USP9X: variants seen among roughly 807,000 people sequenced by gnomAD.
USP9X encodes ubiquitin specific peptidase 9 X-linked.
In USP9X, 7 loss-of-function variants were observed where a neutral mutation model predicts 190.3. The ratio of observed to expected loss-of-function variants is 0.04; its 90% CI spans 0.02 to 0.07. The LOEUF (loss-of-function observed/expected upper bound fraction) is 0.07, where lower values mean the gene tolerates loss of function less well. Among genes scored for constraint, USP9X ranks in the 10% least tolerant of loss-of-function variants. The pLI is 1.00. For missense variants in USP9X, 1,010 were observed against 1,916.9 expected (o/e 0.53, Z 8.83); for synonymous variants, 645 against 659.5 (o/e 0.98, Z 0.34).
chrX:41,122,329 T>C (rs2062197329), intron 1 of USP9X, among the ~76,000 whole-genome samples: 1 of 111,912 alleles, frequency 8.9e-6, no homozygotes, highest in Admixed American at 9.5e-5. Context: ...TAAAAGTACT[T>C]AGAAGCTAGT....
rs761084537 is a variant in USP9X at position 41,159,525 on chromosome X, C to CT, written c.1898-3253dup. On this transcript the variant is annotated intron_variant, in intron 14 of 44. Coordinates refer to ENST00000378308, the MANE Select transcript of USP9X (RefSeq NM_001039591.3). ...GAAAAATACCACATATTGCATGATT[C>CT]TTTTTTTTTTTTCTTTTTTTTTGAG... Among the ~76,000 whole-genome samples, 759 of 104,216 alleles carry CT rather than the reference C, an allele frequency of 7.3e-3. 5 individuals are homozygous for CT. The highest frequency in any genetic ancestry group is 0.02 in the African/African-American group (587 of 28,840). 90.5% of individuals were successfully genotyped at this position (104,216 alleles called of 115,157 possible).
At chrX:41,155,857 A>G (rs2062573988) in intron 14 of USP9X, among the ~76,000 whole-genome samples, 1 of 112,181 alleles carries the variant, frequency 8.9e-6, no homozygotes, top group Non-Finnish European at 1.9e-5. Flanking sequence ...ATCCTTGACC[A>G]TCCTATTCCA....
chrX:41,119,429 C>G (rs1011011826), intron 1 of USP9X, among the ~76,000 whole-genome samples: 1 of 111,014 alleles, frequency 9.0e-6, no homozygotes, highest in Non-Finnish European at 1.9e-5. Context: ...GACAGTCTTA[C>G]GACTTGTGGG....
At chrX:41,117,901 A>C (rs2062162727) in intron 1 of USP9X, among the ~76,000 whole-genome samples, 1 of 109,030 alleles carries the variant, frequency 9.2e-6, no homozygotes, top group Non-Finnish European at 1.9e-5. Flanking sequence ...TCTGTCATCC[A>C]GGCTGGAGTT....
At chrX:41,188,481 G>T (rs968380978) in intron 25 of USP9X, among the ~76,000 whole-genome samples, 4 of 111,768 alleles carry the variant, frequency 3.6e-5, no homozygotes, top group East Asian at 5.6e-4. Context: ...ATTTTTATTT[G>T]ATTGTCTTAA....
At chrX:41,197,330 T>C in intron 28 of USP9X, 34 bp from the exon 29 acceptor site, 1 of 709,801 alleles carries the variant, frequency 1.4e-6, no homozygotes, top group African/African-American at 2.3e-5. Flanking sequence ...ATTTGATTTC[T>C]TCCCCCCCCC....
At chrX:41,120,223 A>G (rs1358995028) in intron 1 of USP9X, among the ~76,000 whole-genome samples, 1 of 111,377 alleles carries the variant, frequency 9.0e-6, no homozygotes. Flanking sequence ...TTGGAATCCC[A>G]TTTTGCCACT....
chrX:41,177,686 A>C (rs1401093759), intron 21 of USP9X, among the ~76,000 whole-genome samples: 2 of 112,142 alleles, frequency 1.8e-5, no homozygotes, highest in Non-Finnish European at 1.9e-5. Context: ...TGTTTTTACT[A>C]TGATGGTTGC....
chrX:41,201,372 C>G (rs953493575), intron 31 of USP9X, 92 bp downstream of exon 31: 1 of 883,899 alleles, frequency 1.1e-6, no homozygotes, highest in East Asian at 3.3e-5. Context: ...TTTCATCAAA[C>G]GTATTAAAGT....
Position 41,232,370 on chromosome X carries a change from C to A in USP9X, c.7528-17C>A, listed in dbSNP as rs767229127. ...ATGTGAAAAGTTTTAACATACAGAT[C>A]TTTTCTCCTTTCCCAGAATAACCAT... On this transcript the variant is annotated splice_polypyrimidine_tract_variant and intron_variant, in intron 44 of 44. Coordinates refer to ENST00000378308, the MANE Select transcript of USP9X (RefSeq NM_001039591.3). 22 of 1,198,573 alleles carry A rather than the reference C, an allele frequency of 1.8e-5. No individual in the cohort carries two copies. The highest frequency in any genetic ancestry group is 2.3e-4 in the Middle Eastern group (1 of 4,315).
At chrX:41,165,797 T>A in intron 15 of USP9X, 75 bp from the exon 16 acceptor site, 1 of 799,122 alleles carries the variant, frequency 1.3e-6, no homozygotes, top group African/African-American at 2.1e-5. Context: ...TAAATGTATT[T>A]TATAGGTAAT....
intron 38 of USP9X, 100 bp from the exon 39 acceptor site, chrX:41,223,117 T>C (rs561077851): frequency 2.5e-6 from 2 of 792,578 alleles, no homozygotes; most frequent in African/African-American, 4.2e-5. Flanking sequence ...AGATATTTTG[T>C]ATAACTACTT....
intron 1 of USP9X, among the ~76,000 whole-genome samples, chrX:41,100,981 T>C (rs1371486931): frequency 3.6e-5 from 4 of 111,656 alleles, no homozygotes; most frequent in Non-Finnish European, 3.8e-5. Flanking sequence ...GCTGTTCTGC[T>C]TCTAATTTTA....
At chrX:41,133,903 G>A (rs1039208102) in intron 4 of USP9X, among the ~76,000 whole-genome samples, 4 of 112,476 alleles carry the variant, frequency 3.6e-5, no homozygotes, top group African/African-American at 1.3e-4. Context: ...AAACATAGTA[G>A]TGCAGATATC....
intron 31 of USP9X, among the ~76,000 whole-genome samples, chrX:41,201,684 C>T (rs190365342): frequency 9.2e-4 from 104 of 112,928 alleles, no homozygotes; most frequent in African/African-American, 3.0e-3. Flanking sequence ...TCTAAAGCAA[C>T]AGTTGGCTGG....
intron 39 of USP9X, 67 bp downstream of exon 39, chrX:41,223,469 CTGT>C: frequency 9.0e-7 from 1 of 1,111,861 alleles, no homozygotes; most frequent in Non-Finnish European, 1.2e-6. Flanking sequence ...CAGAGTTTTG[CTGT>C]TGTTGCCCAG....
At chrX:41,095,764 AG>A (rs1430385144) in intron 1 of USP9X, among the ~76,000 whole-genome samples, 1 of 112,064 alleles carries the variant, frequency 8.9e-6, no homozygotes, top group East Asian at 2.8e-4. Flanking sequence ...TTTAAGTGAA[AG>A]GAGACATTAG....
intron 21 of USP9X, among the ~76,000 whole-genome samples, chrX:41,173,707 G>A (rs2062748633): frequency 8.9e-6 from 1 of 112,024 alleles, no homozygotes; most frequent in Non-Finnish European, 1.9e-5. Context: ...GATATAGTCA[G>A]CCCTCCATAT....
chrX:41,134,495 T>G (rs1248117713), intron 4 of USP9X, among the ~76,000 whole-genome samples: 2 of 112,637 alleles, frequency 1.8e-5, no homozygotes, highest in Non-Finnish European at 3.8e-5. Context: ...TAAATTTGCC[T>G]CTTCTTGTGG....
Sources: gnomAD v4.1 joint callset for allele counts (sites outside exome capture counted in the v4.1 genomes callset) on GRCh38, gnomAD v4.1.1 for gene constraint, MANE v1.5 for transcripts, NCBI Gene and HGNC (gene_info 2026-07-23, HGNC 2026-07-21) for gene names.